Variants in MDGA2 observed in about 807,000 individuals in gnomAD.
MDGA2 encodes the protein MAM domain-containing glycosylphosphatidylinositol anchor protein 2.
Under a neutral mutation model 117.8 loss-of-function variants are expected in MDGA2, and 40 were observed. That is an observed-to-expected ratio of 0.34 (90% CI 0.26 to 0.44). The LOEUF is 0.44. Ranked by LOEUF, MDGA2 falls within the 20% of genes least tolerant of loss-of-function variation. The pLI, the probability that MDGA2 is intolerant of heterozygous loss-of-function variation, is 1.00. For synonymous variants in MDGA2, 452 were observed against 439.0 expected (o/e 1.03, Z -0.37); for missense variants, 1,123 against 1,250.6 (o/e 0.90, Z 1.54).
chr14:46,944,732 A>G (rs966785525), intron 9 of MDGA2, among the ~76,000 whole-genome samples: 2 of 151,860 alleles, frequency 1.3e-5, no homozygotes, highest in African/African-American at 4.8e-5. Flanking sequence ...AAGCCCACCC[A>G]TAGAATTTTT....
At chr14:46,975,381 A>G (rs886164448) in intron 8 of MDGA2, among the ~76,000 whole-genome samples, 1 of 152,120 alleles carries the variant, frequency 6.6e-6, no homozygotes, top group Non-Finnish European at 1.5e-5. Context: ...TCAAAGATAT[A>G]TTTGTACAGC....
Position 46,953,234 on chromosome 14 carries a change from G to A in MDGA2, c.2089+4140C>T, listed in dbSNP as rs146700931. Among the ~76,000 whole-genome samples, 156 of 151,204 alleles carry A rather than the reference G, an allele frequency of 1.0e-3. No homozygotes were observed. In the East Asian group the frequency reaches 0.021, roughly 20 times the overall value. Reference sequence around the variant, plus strand: ...TGACTGTAAAAAAAATCAGTTGAGAGTACATATTGGTGGTTTTATACTCAA... The same window carrying A: ...TGACTGTAAAAAAAATCAGTTGAGAATACATATTGGTGGTTTTATACTCAA... On this transcript the variant is annotated intron_variant, in intron 9 of 16. Transcript: ENST00000399232.
chr14:46,889,324 G>T (rs189077039), intron 10 of MDGA2, among the ~76,000 whole-genome samples: 1 of 151,906 alleles, frequency 6.6e-6, no homozygotes, highest in East Asian at 1.9e-4. Flanking sequence ...ATCATACTTT[G>T]CTCGTGCTAT....
chr14:47,274,006 G>A (rs983372731), intron 2 of MDGA2, among the ~76,000 whole-genome samples: 1 of 152,092 alleles, frequency 6.6e-6, no homozygotes, highest in African/African-American at 2.4e-5. Context: ...AATTATTCTA[G>A]AGGCTACACT....
At chr14:47,309,240 G>A (rs1889557103) in intron 1 of MDGA2, among the ~76,000 whole-genome samples, 1 of 151,996 alleles carries the variant, frequency 6.6e-6, no homozygotes, top group Admixed American at 6.6e-5. Flanking sequence ...TTATTTGTTT[G>A]ATTCCATTGG....
chr14:47,479,058 T>C (rs1893899879), intron 1 of MDGA2, among the ~76,000 whole-genome samples: 1 of 152,170 alleles, frequency 6.6e-6, no homozygotes, highest in Admixed American at 6.5e-5. Context: ...ACATGTTAAA[T>C]TTTTTCTCAA....
At chr14:47,496,863 C>A (rs2138665134) in intron 1 of MDGA2, among the ~76,000 whole-genome samples, 1 of 152,024 alleles carries the variant, frequency 6.6e-6, no homozygotes, top group South Asian at 2.1e-4. Context: ...TTCTGGAAGA[C>A]CAGTTTTCCA....
At chr14:47,058,725 T>C in intron 7 of MDGA2, 3 of 985,370 alleles carry the variant, frequency 3.0e-6, no homozygotes, top group Non-Finnish European at 3.6e-6. Context: ...AATTGGAACA[T>C]CAAAGGTCAG....
In MDGA2 at chr14:47,020,218, T is replaced by C. The variant is rs1594534375; in HGVS notation, c.1819+14793A>G. Among the ~76,000 whole-genome samples the C allele has an allele frequency of 3.3e-5, 5 of 152,298 alleles. No individual in the cohort carries two copies. The South Asian group carries it at 1.0e-3, about 32-fold the overall frequency. Reference sequence around the variant, plus strand: ...CATCAGTGTTAAGGAATTCTATGGATGAGCTAATTAAAATAAAAAATATGA... The same window carrying C: ...CATCAGTGTTAAGGAATTCTATGGACGAGCTAATTAAAATAAAAAATATGA... On this transcript the variant is annotated intron_variant, in intron 8 of 16. Coordinates refer to ENST00000399232, the MANE Select transcript of MDGA2 (RefSeq NM_001113498.3).
At chr14:47,400,614 A>G (rs905672495) in intron 1 of MDGA2, among the ~76,000 whole-genome samples, 1 of 150,318 alleles carries the variant, frequency 6.7e-6, no homozygotes, top group African/African-American at 2.4e-5. Context: ...TGAACCTGGG[A>G]GGCGTAGGTT....
chr14:47,457,681 C>G lies in MDGA2; in HGVS notation c.281-156131G>C, dbSNP rs193293939. Among the ~76,000 whole-genome samples the G allele has an allele frequency of 3.3e-5, 5 of 152,124 alleles. No individual in the cohort carries two copies. In the East Asian group the frequency reaches 9.7e-4, roughly 29 times the overall value. On this transcript the variant is annotated intron_variant, in intron 1 of 16. Transcript: ENST00000399232. Reference sequence around the variant, plus strand: ...ATGTCATTTTCGTTTTCCTTTTCAGCTACTTTTAAAAAATTTAGTTTATTT... The same window carrying G: ...ATGTCATTTTCGTTTTCCTTTTCAGGTACTTTTAAAAAATTTAGTTTATTT...
chr14:47,352,483 C>A (rs1890905116), intron 1 of MDGA2, among the ~76,000 whole-genome samples: 1 of 152,120 alleles, frequency 6.6e-6, no homozygotes, highest in African/African-American at 2.4e-5. Context: ...ACTCAGCCCA[C>A]CGGCACTCAG....
intron 6 of MDGA2, among the ~76,000 whole-genome samples, chr14:47,068,070 T>A (rs1890147898): frequency 6.6e-6 from 1 of 152,154 alleles, no homozygotes; most frequent in African/African-American, 2.4e-5. Flanking sequence ...AGTCAGACGA[T>A]GAAATGAAGT....
intron 1 of MDGA2, among the ~76,000 whole-genome samples, chr14:47,669,355 C>T (rs910720302): frequency 6.6e-6 from 1 of 152,166 alleles, no homozygotes; most frequent in African/African-American, 2.4e-5. Flanking sequence ...CATCTCTAAA[C>T]TTTTATCTCT....
chr14:47,151,168 G>C (rs1372382552), intron 3 of MDGA2, among the ~76,000 whole-genome samples: 1 of 152,160 alleles, frequency 6.6e-6, no homozygotes, highest in Non-Finnish European at 1.5e-5. Flanking sequence ...AAAAAAAGAG[G>C]GATTAGGCAG....
At chr14:47,122,658 C>T (rs1211574202) in intron 5 of MDGA2, among the ~76,000 whole-genome samples, 1 of 152,018 alleles carries the variant, frequency 6.6e-6, no homozygotes, top group Non-Finnish European at 1.5e-5. Flanking sequence ...CTATTCTAAG[C>T]CACAAGTTAT....
rs554552514 is a variant in MDGA2 at position 47,272,863 on chromosome 14, A to T, written c.420+28548T>A. On this transcript the variant is annotated intron_variant, in intron 2 of 16. Transcript: ENST00000399232. ...CATATGAGGTAGGTGTTTGCTAATC[A>T]GTTAGCGAAATGCCATTAAATTAGC... 4.4e-4 allele frequency among the ~76,000 whole-genome samples: 67 copies of T among 152,280 alleles called. No individual in the cohort carries two copies. The Middle Eastern group carries it at 0.02, about 46-fold the overall frequency.
intron 2 of MDGA2, among the ~76,000 whole-genome samples, chr14:47,292,293 T>A (rs1358014013): frequency 6.6e-6 from 1 of 152,188 alleles, no homozygotes; most frequent in African/African-American, 2.4e-5. Flanking sequence ...AACAGTTTTA[T>A]AGGATTCCAC....
intron 8 of MDGA2, among the ~76,000 whole-genome samples, chr14:46,963,334 T>G (rs1023855940): frequency 6.6e-6 from 1 of 152,236 alleles, no homozygotes; most frequent in Non-Finnish European, 1.5e-5. Flanking sequence ...CTTCTTTTGT[T>G]CTCTCATTCT....
Sources: gnomAD v4.1 joint callset for allele counts (sites outside exome capture counted in the v4.1 genomes callset) on GRCh38, gnomAD v4.1.1 for gene constraint, MANE v1.5 for transcripts, NCBI Gene and HGNC (gene_info 2026-07-23, HGNC 2026-07-21) for gene names.